The following POR variants were observed in gnomAD, a reference collection of about 807,000 sequenced individuals.
POR encodes the protein cytochrome p450 oxidoreductase.
In POR, 56 loss-of-function variants were observed where a neutral mutation model predicts 84.0. That is an observed-to-expected ratio of 0.67 (90% CI 0.54 to 0.83). The LOEUF is 0.83. Ranked by LOEUF, POR falls within the 40% of genes least tolerant of loss-of-function variation. The pLI is 0.00. For synonymous variants in POR, 414 were observed against 400.5 expected (o/e 1.03, Z -0.40); for missense variants, 938 against 944.3 (o/e 0.99, Z 0.09).
In POR at chr7:75,986,750, C is replaced by CTCTT. The variant is rs1344114713; in HGVS notation, c.*273_*276dup. ...GGCCCTCGGTGGCTGCACAGAAGGG[C>CTCTT]TCTTTCTCTCTGCTGAGCTGGGCCC... On this transcript the variant is annotated 3_prime_UTR_variant, in exon 16 of 16. Transcript: ENST00000461988. 1 of 584,050 alleles carries CTCTT rather than the reference C, an allele frequency of 1.7e-6. No homozygotes were observed. The highest frequency in any genetic ancestry group is 3.0e-6 in the Non-Finnish European group (1 of 329,820). The allele number at this position is 584,050 out of a possible 1,614,324, so 36.2% of individuals were successfully genotyped here.
At chr7:75,916,912 T>C (rs1554548133) in intron 1 of POR, among the ~76,000 whole-genome samples, 1 of 152,160 alleles carries the variant, frequency 6.6e-6, no homozygotes, top group Non-Finnish European at 1.5e-5. Context: ...TCTGGGTTGA[T>C]CCACCCTTAA....
At chr7:75,931,415 A>C (rs1407058549) in intron 1 of POR, among the ~76,000 whole-genome samples, 1 of 151,746 alleles carries the variant, frequency 6.6e-6, no homozygotes, top group African/African-American at 2.4e-5. Flanking sequence ...CACGCAGGCT[A>C]TAATGCAGTG....
intron 10 of POR, 29 bp downstream of exon 10, chr7:75,983,885 G>A (rs41301397): frequency 7.8e-6 from 12 of 1,547,630 alleles, no homozygotes; most frequent in East Asian, 4.7e-5. Flanking sequence ...GCGCCCTGCC[G>A]GGCTCAGGCA....
intron 2 of POR, among the ~76,000 whole-genome samples, chr7:75,959,339 T>TA (rs1787831672): frequency 6.6e-6 from 1 of 152,214 alleles, no homozygotes; most frequent in African/African-American, 2.4e-5. Context: ...GCACAGGTGA[T>TA]TTCTGTTATA....
intron 2 of POR, among the ~76,000 whole-genome samples, chr7:75,966,382 T>TAGCC (rs1404191511): frequency 6.6e-6 from 1 of 152,160 alleles, no homozygotes; most frequent in Non-Finnish European, 1.5e-5. Context: ...TTCCAACCAT[T>TAGCC]AGCCCCATGC....
chr7:75,981,170 G>A lies in POR; in HGVS notation c.639G>A (p.Gly213=). Residue 213 remains glycine, a splice_region_variant and synonymous_variant, in exon 6 of 16, where the codon GGG becomes GGA. Transcript: ENST00000461988. ...AGCTGGGGTTGGGCGACGACGATGG[G>A]AAGTGAGTGCCCACCCTGCCACCAT... 4 of 1,540,840 alleles carry A rather than the reference G, an allele frequency of 2.6e-6. No homozygotes were observed. Among genetic ancestry groups the A allele is most frequent in the Non-Finnish European group, 3.5e-6 (4 of 1,142,018 alleles).
chr7:75,967,149 A>G (rs1788221897), intron 2 of POR, among the ~76,000 whole-genome samples: 2 of 151,994 alleles, frequency 1.3e-5, no homozygotes, highest in African/African-American at 4.8e-5. Context: ...TAATTTTTGT[A>G]TTTTTGGTAG....
intron 4 of POR, 161 bp downstream of exon 4, chr7:75,979,740 C>T (rs1419479937): frequency 2.5e-5 from 25 of 984,388 alleles, no homozygotes; most frequent in South Asian, 1.7e-4. Context: ...CATCCCTGCC[C>T]GGGCTGACTG....
intron 1 of POR, among the ~76,000 whole-genome samples, chr7:75,934,896 G>A (rs896608112): frequency 2.0e-5 from 3 of 152,202 alleles, no homozygotes; most frequent in Non-Finnish European, 2.9e-5. Flanking sequence ...AGGATGTATG[G>A]GAAAGCCTGG....
At chr7:75,983,153 C>T (rs1789161215) in intron 8 of POR, among the ~76,000 whole-genome samples, 12 of 152,142 alleles carry the variant, frequency 7.9e-5, no homozygotes. Context: ...CCAGCCTGGC[C>T]AACATGGTGA....
intron 1 of POR, chr7:75,922,726 G>A (rs529189304): frequency 1.6e-5 from 6 of 371,394 alleles, no homozygotes; most frequent in East Asian, 6.0e-5. Flanking sequence ...GTGGGGTTGC[G>A]CATGTTCAGT....
intron 2 of POR, among the ~76,000 whole-genome samples, chr7:75,955,296 A>G (rs1410303997): frequency 2.0e-5 from 3 of 152,384 alleles, no homozygotes; most frequent in Non-Finnish European, 4.4e-5. Context: ...TGGATTAGTT[A>G]AAAGAAAAAC....
Position 75,966,501 on chromosome 7 carries a change from A to G in POR, c.189-5912A>G, listed in dbSNP as rs372891219. Among the ~76,000 whole-genome samples, 242 of 152,198 alleles carry G rather than the reference A, an allele frequency of 1.6e-3. 1 individual carries two copies. Among genetic ancestry groups the G allele is most frequent in the African/African-American group, 5.4e-3 (226 of 41,526 alleles). On this transcript the variant is annotated intron_variant, in intron 2 of 15. Transcript: ENST00000461988. ...TGCTGCCATCGTGCCTCTGTGCCTC[A>G]GCCGCCACCCCTTCTCTCGCCGTGG...
chr7:75,974,592 T>A (rs1197464599), intron 3 of POR, among the ~76,000 whole-genome samples: 3 of 148,268 alleles, frequency 2.0e-5, no homozygotes, highest in Non-Finnish European at 4.4e-5. Flanking sequence ...AGTGGTGTGA[T>A]CTCAGCTCAC....
chr7:75,937,343 G>A (rs1434168619), intron 1 of POR, among the ~76,000 whole-genome samples: 14 of 151,112 alleles, frequency 9.3e-5, no homozygotes, highest in Non-Finnish European at 2.1e-4. Flanking sequence ...ATGTTGGCGG[G>A]TGCCTGTAAT....
At chr7:75,965,956 C>T (rs962175892) in intron 2 of POR, among the ~76,000 whole-genome samples, 1 of 152,074 alleles carries the variant, frequency 6.6e-6, no homozygotes, top group African/African-American at 2.4e-5. Flanking sequence ...GGGGGAGGTG[C>T]ACCTTGCTTG....
intron 3 of POR, among the ~76,000 whole-genome samples, chr7:75,977,339 G>C (rs1788741761): frequency 6.6e-6 from 1 of 152,208 alleles, no homozygotes; most frequent in Non-Finnish European, 1.5e-5. Context: ...CTGTTCGAAT[G>C]CAGCCTGAAA....
chr7:75,984,771 C>T lies in POR; in HGVS notation c.1067-6C>T. On this transcript the variant is annotated splice_polypyrimidine_tract_variant and splice_region_variant and intron_variant, in intron 10 of 15. Coordinates refer to ENST00000461988, the MANE Select transcript of POR (RefSeq NM_000941.3). Reference sequence around the variant, plus strand: ...ACCCCAAGTCCTGCCTGTCTCTTCCCTGCAGAGGAGTCCAACAAGAAGCAC... The same window carrying T: ...ACCCCAAGTCCTGCCTGTCTCTTCCTTGCAGAGGAGTCCAACAAGAAGCAC... The T allele has an allele frequency of 6.2e-7, 1 of 1,612,394 alleles. No individual in the cohort carries two copies. The highest frequency in any genetic ancestry group is 2.2e-5 in the East Asian group (1 of 44,852).
At chr7:75,982,404 T>TATCCCCAC (rs1416313058) in intron 8 of POR, 82 bp downstream of exon 8, 34 of 1,171,722 alleles carry the variant, frequency 2.9e-5, no homozygotes, top group Non-Finnish European at 4.1e-5. Context: ...TGTATCCCCA[T>TATCCCCAC]ATCCCCACAG....
Sources: allele counts gnomAD v4.1 joint callset (sites outside exome capture counted in the v4.1 genomes callset), GRCh38; gene constraint gnomAD v4.1.1; transcripts MANE v1.5; gene names NCBI Gene and HGNC (gene_info 2026-07-23, HGNC 2026-07-21).